Variants in AGFG2 observed in about 807,000 individuals in gnomAD.
AGFG2 encodes ArfGAP with FG repeats 2, also known as arf-GAP domain and FG repeat-containing protein 2.
In AGFG2, 31 loss-of-function variants were observed where a neutral mutation model predicts 48.0. That is an observed-to-expected ratio of 0.65 (90% CI 0.49 to 0.87). AGFG2 has a LOEUF of 0.87. Ranked by LOEUF, AGFG2 falls within the 40% of genes least tolerant of loss-of-function variation. AGFG2 has a pLI of 0.00. For synonymous variants in AGFG2, 229 were observed against 260.8 expected, an observed-to-expected ratio of 0.88 and a Z score of 1.18; for missense variants, 599 against 632.6, an observed-to-expected ratio of 0.95 and a Z score of 0.57.
At chr7:100,541,143 A>T (rs1413783645) in intron 1 of AGFG2, among the ~76,000 whole-genome samples, 1 of 152,092 alleles carries the variant, frequency 6.6e-6, no homozygotes, top group Non-Finnish European at 1.5e-5. Context: ...CCAGTGCCAT[A>T]TGGGCATTGC....
chr7:100,561,079 A>G (rs1800859958), intron 6 of AGFG2, among the ~76,000 whole-genome samples: 2 of 146,152 alleles, frequency 1.4e-5, no homozygotes, highest in African/African-American at 2.5e-5. Context: ...TCGGCCTCCC[A>G]AAGTGCTAGG....
chr7:100,542,858 T>C (rs954044125), intron 1 of AGFG2, among the ~76,000 whole-genome samples: 43 of 152,188 alleles, frequency 2.8e-4, no homozygotes, highest in African/African-American at 1.0e-3. Context: ...CACGAACTTA[T>C]TCAGTGCCTA....
chr7:100,546,820 G>A (rs1319758256), intron 1 of AGFG2, among the ~76,000 whole-genome samples: 1 of 152,162 alleles, frequency 6.6e-6, no homozygotes, highest in African/African-American at 2.4e-5. Context: ...AGAGGCCTTA[G>A]GAGAGAGAAT....
Position 100,567,170 on chromosome 7 carries a change from C to T in AGFG2, c.*2179C>T, listed in dbSNP as rs528434903. 8 of 152,706 alleles carry T rather than the reference C, an allele frequency of 5.2e-5. No individual in the cohort carries two copies. The highest frequency in any genetic ancestry group is 1.4e-4 in the African/African-American group (6 of 41,552). 9.5% of individuals were successfully genotyped at this position (152,706 alleles called of 1,614,324 possible). On this transcript the variant is annotated 3_prime_UTR_variant, in exon 12 of 12. Coordinates refer to ENST00000300176, the MANE Select transcript of AGFG2 (RefSeq NM_006076.5). ...TAAGAAGTTAACGCCAGGTCAGCCT[C>T]GGGCCCCAGGGTTCCCTGGGCACAG...
At chr7:100,544,997 A>G (rs1800487044) in intron 1 of AGFG2, among the ~76,000 whole-genome samples, 1 of 152,216 alleles carries the variant, frequency 6.6e-6, no homozygotes, top group South Asian at 2.1e-4. Context: ...CTTAGGGACT[A>G]TTAAAAGTTC....
chr7:100,559,091 G>A (rs905945477), intron 6 of AGFG2, among the ~76,000 whole-genome samples: 1 of 152,018 alleles, frequency 6.6e-6, no homozygotes, highest in African/African-American at 2.4e-5. Flanking sequence ...CTGAGATTGC[G>A]CCACTGCACT....
At chr7:100,546,672 T>A (rs1584381211) in intron 1 of AGFG2, among the ~76,000 whole-genome samples, 1 of 152,142 alleles carries the variant, frequency 6.6e-6, no homozygotes, top group South Asian at 2.1e-4. Context: ...ACCTTTGAGA[T>A]CACAGGGACA....
At chr7:100,556,767 G>A (rs985378384) in intron 6 of AGFG2, 3 of 572,842 alleles carry the variant, frequency 5.2e-6, no homozygotes, top group Non-Finnish European at 8.1e-6. Context: ...GCCACAGAGC[G>A]ACCAAGCTGA....
intron 6 of AGFG2, among the ~76,000 whole-genome samples, chr7:100,558,385 G>A (rs1346116119): frequency 6.6e-6 from 1 of 152,062 alleles, no homozygotes; most frequent in Non-Finnish European, 1.5e-5. Context: ...ATTGTACATT[G>A]GTGCAGGAAT....
At chr7:100,548,936 T>C (rs1800568415) in intron 2 of AGFG2, 21 bp downstream of exon 2, 11 of 1,598,494 alleles carry the variant, frequency 6.9e-6, no homozygotes, top group Non-Finnish European at 8.6e-6. Context: ...ACCGATGGAG[T>C]GGTGAGAAGG....
chr7:100,562,479 C>CCTCCCCTCCT lies in AGFG2; in HGVS notation c.998+106_999-100dup. The CCTCCCCTCCT allele has an allele frequency of 6.3e-7, 1 of 1,597,600 alleles. No homozygotes were observed. Among genetic ancestry groups the CCTCCCCTCCT allele is most frequent in the Admixed American group, 1.7e-5 (1 of 58,408 alleles). ...CATCGGCATCTCCTGGCAGTTCTCC[C>CCTCCCCTCCT]CTCCCCTCCTCTCCCTTACTCACCC... On this transcript the variant is annotated intron_variant, in intron 7 of 11. Transcript: ENST00000300176. The surrounding 1 kb of genome is among the most constrained non-coding windows in gnomAD (Gnocchi z 5.4).
chr7:100,549,116 AGGAGTCAGG>A (rs1391562102), intron 2 of AGFG2, among the ~76,000 whole-genome samples: 2 of 152,136 alleles, frequency 1.3e-5, no homozygotes, highest in Non-Finnish European at 2.9e-5. Context: ...CCTCCTTTTC[AGGAGTCAGG>A]GGAAGTAGCA....
intron 1 of AGFG2, among the ~76,000 whole-genome samples, chr7:100,544,727 C>T (rs1403136023): frequency 5.8e-4 from 6 of 10,274 alleles, no homozygotes; most frequent in Admixed American, 1.5e-3. Context: ...AAAAGCTCGA[C>T]GTGGGGTGGT....
chr7:100,560,573 G>A (rs1387455685), intron 6 of AGFG2, among the ~76,000 whole-genome samples: 1 of 152,168 alleles, frequency 6.6e-6, no homozygotes, highest in Non-Finnish European at 1.5e-5. Flanking sequence ...TTGCCCAGGA[G>A]GAAGCTGGCA....
Position 100,565,002 on chromosome 7 carries a change from T to G in AGFG2, c.*11T>G. 4 of 1,614,076 alleles carry G rather than the reference T, an allele frequency of 2.5e-6. No individual in the cohort carries two copies. Among genetic ancestry groups the G allele is most frequent in the Non-Finnish European group, 3.4e-6 (4 of 1,179,884 alleles). The stretch of plus-strand genomic sequence containing the variant: ...AACCCCTTCTTGTAGCACTGTGTTT[T>G]TGGGGGGCCTCTTCCCTGCCTTCTG... On this transcript the variant is annotated 3_prime_UTR_variant, in exon 12 of 12. Transcript: ENST00000300176.
chr7:100,560,341 G>A (rs553251106), intron 6 of AGFG2, among the ~76,000 whole-genome samples: 2 of 152,300 alleles, frequency 1.3e-5, no homozygotes, highest in Admixed American at 1.3e-4. Context: ...ACCACGCCCA[G>A]CTTATTTTTG....
intron 9 of AGFG2, 81 bp downstream of exon 9, chr7:100,563,027 C>T (rs1800914105): frequency 7.4e-7 from 1 of 1,353,540 alleles, no homozygotes; most frequent in African/African-American, 1.4e-5. Flanking sequence ...TCCCTTAACC[C>T]TTTGTCTCAC....
At chr7:100,561,589 T>C (rs1800873629) in intron 6 of AGFG2, among the ~76,000 whole-genome samples, 1 of 152,244 alleles carries the variant, frequency 6.6e-6, no homozygotes, top group East Asian at 1.9e-4. Context: ...GCTTGGAATT[T>C]CCAGGACTCT....
At chr7:100,546,435 C>A (rs543817341) in intron 1 of AGFG2, among the ~76,000 whole-genome samples, 2 of 152,142 alleles carry the variant, frequency 1.3e-5, no homozygotes, top group African/African-American at 4.8e-5. Flanking sequence ...CTCTTCCTTC[C>A]GCAACTGCTG....
Sources: gnomAD v4.1 joint callset for allele counts (sites outside exome capture counted in the v4.1 genomes callset) on GRCh38, gnomAD v4.1.1 for gene constraint, Gnocchi (gnomAD v3.1) non-coding constraint, MANE v1.5 for transcripts, NCBI Gene and HGNC (gene_info 2026-07-23, HGNC 2026-07-21) for gene names.